The following KCND3 variants were observed in gnomAD, a reference collection of about 807,000 sequenced individuals.
KCND3 encodes potassium voltage-gated channel subfamily D member 3, also known as A-type voltage-gated potassium channel KCND3.
In KCND3, 9 loss-of-function variants were observed where a neutral mutation model predicts 51.1. The observed-to-expected ratio is 0.18, with a 90% confidence interval of 0.11 to 0.31. KCND3 has a LOEUF of 0.31. KCND3 is among the 10% of genes least tolerant of loss of function. The pLI is 1.00. For synonymous variants in KCND3, 349 were observed against 368.0 expected (o/e 0.95, Z 0.59); for missense variants, 526 against 903.8 (o/e 0.58, Z 5.36).
chr1:111,939,234 A>AT (rs1206457424), intron 2 of KCND3, among the ~76,000 whole-genome samples: 1 of 151,938 alleles, frequency 6.6e-6, no homozygotes, highest in Non-Finnish European at 1.5e-5. Context: ...TTTATTTTTA[A>AT]TTTTTTTTAG....
chr1:111,912,000 T>C lies in KCND3; in HGVS notation c.1106+69621A>G, dbSNP rs577136847. Among the ~76,000 whole-genome samples the C allele has an allele frequency of 6.6e-5, 10 of 152,274 alleles. No individual in the cohort carries two copies. The South Asian group carries it at 2.1e-3, about 32-fold the overall frequency. ...AGGCAGCTAGAGTGTGCAGGCACAA[T>C]GCCAGAAACAGCTTTGGCTATCTGA... On this transcript the variant is annotated intron_variant, in intron 2 of 7. Transcript: ENST00000302127.
intron 2 of KCND3, among the ~76,000 whole-genome samples, chr1:111,928,407 C>T (rs1443927): frequency 2.2e-4 from 33 of 151,914 alleles, no homozygotes; most frequent in African/African-American, 7.8e-4. Context: ...ACAAAAAACG[C>T]AGATCATGGC....
chr1:111,962,537 A>G (rs1280758340), intron 2 of KCND3, among the ~76,000 whole-genome samples: 1 of 152,208 alleles, frequency 6.6e-6, no homozygotes, highest in Non-Finnish European at 1.5e-5. Context: ...TCATGCCATT[A>G]CATCCCACTC....
chr1:111,932,388 G>C (rs1370891704), intron 2 of KCND3, among the ~76,000 whole-genome samples: 1 of 152,164 alleles, frequency 6.6e-6, no homozygotes, highest in Non-Finnish European at 1.5e-5. Context: ...GGTTTTGTTG[G>C]TTTGTTTTTA....
At chr1:111,868,744 TC>T (rs1033861051) in intron 2 of KCND3, among the ~76,000 whole-genome samples, 6 of 152,120 alleles carry the variant, frequency 3.9e-5, no homozygotes, top group African/African-American at 1.2e-4. Context: ...TTTAACTGTT[TC>T]TTTTTTTTGA....
chr1:111,975,503 C>T (rs137965605), intron 2 of KCND3, among the ~76,000 whole-genome samples: 5 of 152,310 alleles, frequency 3.3e-5, no homozygotes, highest in East Asian at 3.9e-4. Context: ...CCCATCTCCA[C>T]TGCCACCACC....
intron 2 of KCND3, among the ~76,000 whole-genome samples, chr1:111,932,131 A>G (rs1156682598): frequency 2.6e-5 from 4 of 152,202 alleles, no homozygotes; most frequent in African/African-American, 4.8e-5. Flanking sequence ...CTTCCACCTT[A>G]AAGACCCTTG....
rs1445850476 is a variant in KCND3, at chr1:111,780,456, A to C, written c.1372-142T>G. The C allele has an allele frequency of 3.3e-6, 3 of 914,914 alleles. No homozygotes were observed. Among genetic ancestry groups the C allele is most frequent in the Non-Finnish European group, 1.7e-6 (1 of 572,528 alleles). The allele number at this position is 914,914 out of a possible 1,614,324, so 56.7% of individuals were successfully genotyped here. A position where few individuals can be genotyped will look rare whatever the true frequency, so the allele number is the denominator to read the frequency against. ...GACCAAATTTCAGGGTCAGCATTGA[A>C]TATGCTAACCTTTGGGCTCAGGGGC... On this transcript the variant is annotated intron_variant, in intron 4 of 7. Transcript: ENST00000302127. The surrounding 1 kb of genome is among the most constrained non-coding windows in gnomAD (Gnocchi z 4.2).
intron 2 of KCND3, among the ~76,000 whole-genome samples, chr1:111,979,508 A>C (rs1460709494): frequency 4.3e-5 from 6 of 140,386 alleles, no homozygotes; most frequent in African/African-American, 1.5e-4. Flanking sequence ...CCCTGAGGCC[A>C]TAATAAAAAA....
chr1:111,902,481 C>T (rs900966959), intron 2 of KCND3, among the ~76,000 whole-genome samples: 2 of 152,190 alleles, frequency 1.3e-5, no homozygotes, highest in African/African-American at 4.8e-5. Context: ...GACACAGTGT[C>T]TAACACCACA....
At chr1:111,935,853 C>A (rs577554886) in intron 2 of KCND3, among the ~76,000 whole-genome samples, 1 of 152,340 alleles carries the variant, frequency 6.6e-6, no homozygotes, top group Admixed American at 6.5e-5. Context: ...CTCATTCCAA[C>A]TCATAGGGAG....
chr1:111,948,315 C>G (rs548724463), intron 2 of KCND3, among the ~76,000 whole-genome samples: 1 of 152,324 alleles, frequency 6.6e-6, no homozygotes, highest in Non-Finnish European at 1.5e-5. Context: ...GGAAAAGCAG[C>G]CACAGACAAG....
chr1:111,775,871 G>C lies in KCND3; in HGVS notation c.*206C>G. On this transcript the variant is annotated 3_prime_UTR_variant, in exon 8 of 8. Transcript: ENST00000302127. Reference sequence around the variant, plus strand: ...GGCCCCAGTGAGATGCAGTATCACAGGGCTATGTCCACGCTAGCAGCGTGA... The same window carrying C: ...GGCCCCAGTGAGATGCAGTATCACACGGCTATGTCCACGCTAGCAGCGTGA... 1 of 381,888 alleles carries C rather than the reference G, an allele frequency of 2.6e-6. No homozygotes were observed. The highest frequency in any genetic ancestry group is 5.1e-6 in the Non-Finnish European group (1 of 195,464). 23.7% of individuals were successfully genotyped at this position (381,888 alleles called of 1,614,324 possible).
At chr1:111,863,106 G>A (rs1396950962) in intron 2 of KCND3, among the ~76,000 whole-genome samples, 2 of 152,234 alleles carry the variant, frequency 1.3e-5, no homozygotes, top group Non-Finnish European at 2.9e-5. Flanking sequence ...AATGGGCTGG[G>A]CAGGGCTAGG....
At chr1:111,952,608 G>A (rs1377843978) in intron 2 of KCND3, among the ~76,000 whole-genome samples, 1 of 152,280 alleles carries the variant, frequency 6.6e-6, no homozygotes, top group East Asian at 1.9e-4. Context: ...GGAAAAAGAG[G>A]GAACATCCCT....
rs1367850985 is a variant in KCND3 at position 111,771,566 on chromosome 1, C to G, written c.*4511G>C. ...ATCTAGTGTTAGCTCAATTTTCAAC[C>G]ACTTCCTCTGCAAAACTTAAGGAAA... On this transcript the variant is annotated 3_prime_UTR_variant, in exon 8 of 8. Transcript: ENST00000302127. 3 of 152,166 alleles carry G rather than the reference C, an allele frequency of 2.0e-5. No homozygotes were observed. Among genetic ancestry groups the G allele is most frequent in the African/African-American group, 4.8e-5 (2 of 41,436 alleles). The allele number at this position is 152,166 out of a possible 1,614,324, so 9.4% of individuals were successfully genotyped here. A position where few individuals can be genotyped will look rare whatever the true frequency, so the allele number is the denominator to read the frequency against.
At chr1:111,837,128 T>G (rs975899611) in intron 2 of KCND3, among the ~76,000 whole-genome samples, 1 of 152,186 alleles carries the variant, frequency 6.6e-6, no homozygotes, top group African/African-American at 2.4e-5. Flanking sequence ...TATCTGTATT[T>G]TGAAGATAAA....
At chr1:111,948,352 C>A (rs1422768921) in intron 2 of KCND3, among the ~76,000 whole-genome samples, 1 of 152,230 alleles carries the variant, frequency 6.6e-6, no homozygotes, top group East Asian at 1.9e-4. Flanking sequence ...GATCACTCCC[C>A]ACAGAGCCTG....
intron 2 of KCND3, among the ~76,000 whole-genome samples, chr1:111,809,946 TG>T (rs1665773838): frequency 6.6e-6 from 1 of 152,212 alleles, no homozygotes; most frequent in Non-Finnish European, 1.5e-5. Context: ...ACCAACCAAA[TG>T]GTTTTTCCTA....
Sources: allele counts gnomAD v4.1 joint callset (sites outside exome capture counted in the v4.1 genomes callset), GRCh38; gene constraint gnomAD v4.1.1; non-coding constraint Gnocchi (gnomAD v3.1); transcripts MANE v1.5; gene names NCBI Gene and HGNC (gene_info 2026-07-23, HGNC 2026-07-21).